Variants in TUBGCP4 observed in about 807,000 individuals in gnomAD.
TUBGCP4 encodes tubulin gamma complex component 4, also known as gamma-tubulin complex component 4.
In TUBGCP4, 54 loss-of-function variants were observed where a neutral mutation model predicts 91.6. The ratio of observed to expected loss-of-function variants is 0.59; its 90% CI spans 0.47 to 0.74. TUBGCP4 has a LOEUF of 0.74. Ranked by LOEUF, TUBGCP4 falls within the 30% of genes least tolerant of loss-of-function variation. TUBGCP4 has a pLI of 0.00. For synonymous variants in TUBGCP4, 297 were observed against 302.8 expected (o/e 0.98, Z 0.20); for missense variants, 593 against 800.9 (o/e 0.74, Z 3.13).
chr15:43,392,700 T>C (rs927050259), intron 9 of TUBGCP4, among the ~76,000 whole-genome samples: 6 of 152,108 alleles, frequency 3.9e-5, no homozygotes, highest in African/African-American at 1.4e-4. Flanking sequence ...GGTTTCGCCA[T>C]GTTGTGCTGG....
At chr15:43,387,072 CT>C (rs2044387030) in intron 9 of TUBGCP4, among the ~76,000 whole-genome samples, 1 of 152,198 alleles carries the variant, frequency 6.6e-6, no homozygotes, top group South Asian at 2.1e-4. Context: ...TTTAGTATGG[CT>C]CATAACTTAT....
chr15:43,393,696 G>A (rs1014275553), intron 9 of TUBGCP4, among the ~76,000 whole-genome samples: 2 of 152,164 alleles, frequency 1.3e-5, no homozygotes, highest in Non-Finnish European at 2.9e-5. Context: ...AACATGCGGT[G>A]TTTGGTTTTT....
rs1020664897 is a variant in TUBGCP4 at position 43,407,581 on chromosome 15, C to T, written c.*2367C>T. ...CCCCTAAAGCAATATCTGCAAGGAGCAAGGGAAAGTGAAGAAGGAAAGGAC... is the reference window on the plus strand; with the variant it reads ...CCCCTAAAGCAATATCTGCAAGGAGTAAGGGAAAGTGAAGAAGGAAAGGAC... On this transcript the variant is annotated 3_prime_UTR_variant, in exon 18 of 18. Coordinates refer to ENST00000564079, the MANE Select transcript of TUBGCP4 (RefSeq NM_014444.5). 1 of 1,602,314 alleles carries T rather than the reference C, an allele frequency of 6.2e-7. No individual in the cohort carries two copies. The highest frequency in any genetic ancestry group is 8.5e-7 in the Non-Finnish European group (1 of 1,172,648).
intron 9 of TUBGCP4, among the ~76,000 whole-genome samples, chr15:43,388,578 C>T (rs2044418706): frequency 6.6e-6 from 1 of 152,146 alleles, no homozygotes; most frequent in Non-Finnish European, 1.5e-5. Context: ...GAATCTAGTT[C>T]TGTTGCTTTA....
intron 1 of TUBGCP4, 107 bp downstream of exon 1, chr15:43,371,539 TG>T: frequency 8.9e-7 from 1 of 1,129,878 alleles, no homozygotes; most frequent in East Asian, 2.4e-5. Flanking sequence ...CTTCCAGGGC[TG>T]GGGGCGTATC....
At chr15:43,372,673 T>C (rs2044142368) in intron 1 of TUBGCP4, among the ~76,000 whole-genome samples, 1 of 152,200 alleles carries the variant, frequency 6.6e-6, no homozygotes, top group African/African-American at 2.4e-5. Context: ...TCCCTTCCTT[T>C]CTTTCTTATG....
Position 43,406,705 on chromosome 15 carries a change from A to G in TUBGCP4, c.*1491A>G, listed in dbSNP as rs2044902960. On this transcript the variant is annotated 3_prime_UTR_variant, in exon 18 of 18. Coordinates refer to ENST00000564079, the MANE Select transcript of TUBGCP4 (RefSeq NM_014444.5). ...GCTTCCAGCTATTGTGACAATAATA[A>G]TAATAATAATATTGGGTCTTTGACT... is the stretch of plus-strand genomic sequence containing the variant. 2 of 432,412 alleles carry G rather than the reference A, an allele frequency of 4.6e-6. No individual in the cohort carries two copies. The highest frequency in any genetic ancestry group is 3.4e-5 in the South Asian group (2 of 59,694). The allele number at this position is 432,412 out of a possible 1,614,324, so 26.8% of individuals were successfully genotyped here.
In TUBGCP4 at chr15:43,371,335, A is replaced by C. The variant is rs528567918; in HGVS notation, c.-20A>C. Reference sequence around the variant, plus strand: ...GGAGGAGGGGGTGACATAACCAGGGACTCGAGGTCCGCCGTGGGAATGATC... The same window carrying C: ...GGAGGAGGGGGTGACATAACCAGGGCCTCGAGGTCCGCCGTGGGAATGATC... On this transcript the variant is annotated 5_prime_UTR_variant, in exon 1 of 18. Transcript: ENST00000564079. The C allele has an allele frequency of 6.2e-7, 1 of 1,610,884 alleles. No individual in the cohort carries two copies. Among genetic ancestry groups the C allele is most frequent in the Non-Finnish European group, 8.5e-7 (1 of 1,178,920 alleles).
intron 7 of TUBGCP4, among the ~76,000 whole-genome samples, chr15:43,383,812 T>G (rs1261654977): frequency 2.6e-5 from 4 of 152,114 alleles, no homozygotes; most frequent in Non-Finnish European, 5.9e-5. Flanking sequence ...GTTTTGTTTT[T>G]TTTTTTAAAG....
rs757206803 is a variant in TUBGCP4, at chr15:43,401,642, A to G, written c.1597-74A>G. 220 of 1,497,784 alleles carry G rather than the reference A, an allele frequency of 1.5e-4. 1 individual carries two copies. In the African/African-American group the frequency reaches 1.6e-3, roughly 11 times the overall value. 92.8% of individuals were successfully genotyped at this position (1,497,784 alleles called of 1,614,324 possible). ...GTGGAGGCAAAGCATTTTCATTTCA[A>G]TCTGTCAGGCATCTTAATGTCTTCG... is the stretch of plus-strand genomic sequence containing the variant. On this transcript the variant is annotated intron_variant, in intron 14 of 17. Coordinates refer to ENST00000564079, the MANE Select transcript of TUBGCP4 (RefSeq NM_014444.5).
intron 6 of TUBGCP4, among the ~76,000 whole-genome samples, chr15:43,381,516 C>T (rs940455980): frequency 2.0e-5 from 3 of 152,070 alleles, no homozygotes; most frequent in Non-Finnish European, 2.9e-5. Context: ...GCAGAGGGAT[C>T]GCTTGAGCCC....
chr15:43,399,508 C>A (rs2044632477), intron 13 of TUBGCP4, among the ~76,000 whole-genome samples: 2 of 152,146 alleles, frequency 1.3e-5, no homozygotes, highest in South Asian at 4.1e-4. Flanking sequence ...CCACACCTGG[C>A]TAATTTTTTT....
intron 8 of TUBGCP4, 68 bp from the exon 9 acceptor site, chr15:43,386,138 T>C (rs2044354054): frequency 2.6e-6 from 4 of 1,548,832 alleles, no homozygotes; most frequent in Non-Finnish European, 3.5e-6. Context: ...AGATTAGCCC[T>C]CCCCAGAAAA....
intron 1 of TUBGCP4, among the ~76,000 whole-genome samples, chr15:43,372,764 C>G (rs2044143668): frequency 6.6e-6 from 1 of 152,226 alleles, no homozygotes; most frequent in Non-Finnish European, 1.5e-5. Context: ...AAAACTTTCT[C>G]TGAGCACATC....
chr15:43,399,380 T>G (rs1595497970), intron 13 of TUBGCP4, among the ~76,000 whole-genome samples: 1 of 152,200 alleles, frequency 6.6e-6, no homozygotes, highest in African/African-American at 2.4e-5. Context: ...ACACACTATT[T>G]TTTTTGAGAC....
chr15:43,385,612 T>G, intron 7 of TUBGCP4, 179 bp from the exon 8 acceptor site: 1 of 630,262 alleles, frequency 1.6e-6, no homozygotes, highest in South Asian at 2.0e-5. Context: ...CATGCCACTC[T>G]GCTGCCTGAA....
At chr15:43,383,619 C>T in intron 7 of TUBGCP4, 115 bp downstream of exon 7, 1 of 802,070 alleles carries the variant, frequency 1.2e-6, no homozygotes, top group Non-Finnish European at 1.8e-6. Context: ...TCCATCAATC[C>T]TTTCGATGTA....
chr15:43,402,091 T>C (rs1277398823), intron 15 of TUBGCP4: 1 of 341,084 alleles, frequency 2.9e-6, no homozygotes, highest in Non-Finnish European at 5.4e-6. Context: ...GCCAACATGG[T>C]GAAAACCCGT....
rs1251602277 is a variant in TUBGCP4 at position 43,398,075 on chromosome 15, A to G, written c.1314A>G (p.Glu438=). The change falls in exon 13 of 18, where the codon GAA becomes GAG. Residue 438 remains glutamate, a synonymous_variant. Transcript: ENST00000564079. ...AGGCAAGAGAAGGGCCTTCTCGGGA[A>G]ACTTCTCCCCGGGAAGCCCCTGCAT... ...ATQAREGPSR[E]TSPREAPASG... 6.2e-7 allele frequency: 1 copy of G among 1,614,000 alleles called. No individual in the cohort carries two copies. Among genetic ancestry groups the G allele is most frequent in the South Asian group, 1.1e-5 (1 of 91,070 alleles).
Sources: gnomAD v4.1 joint callset for allele counts (sites outside exome capture counted in the v4.1 genomes callset) on GRCh38, gnomAD v4.1.1 for gene constraint, MANE v1.5 for transcripts, NCBI Gene and HGNC (gene_info 2026-07-23, HGNC 2026-07-21) for gene names.